Variants in SPAG16 observed in about 807,000 individuals in gnomAD.
SPAG16 encodes sperm-associated antigen 16 protein.
Under a neutral mutation model 80.4 loss-of-function variants are expected in SPAG16, and 86 were observed. The ratio of observed to expected loss-of-function variants is 1.07; its 90% CI spans 0.90 to 1.28. The LOEUF (loss-of-function observed/expected upper bound fraction) is 1.28, where lower values mean the gene tolerates loss of function less well. SPAG16 is among the 50% of genes most tolerant of loss of function. The pLI is 0.00. For missense variants in SPAG16, 870 were observed against 765.3 expected, an observed-to-expected ratio of 1.14 and a Z score of -1.61; for synonymous variants, 294 against 265.9, an observed-to-expected ratio of 1.11 and a Z score of -1.03.
At chr2:213,491,028 A>G (rs2074213891) in intron 10 of SPAG16, among the ~76,000 whole-genome samples, 1 of 151,962 alleles carries the variant, frequency 6.6e-6, no homozygotes, top group South Asian at 2.1e-4. Context: ...CCTAAACCCC[A>G]TTTGTTTGAT....
intron 13 of SPAG16, among the ~76,000 whole-genome samples, chr2:214,065,320 T>C (rs2050481247): frequency 1.3e-5 from 2 of 152,146 alleles, no homozygotes; most frequent in African/African-American, 4.8e-5. Context: ...CTCAAATCGA[T>C]TATAAATCCA....
chr2:214,052,353 T>A (rs2049694619), intron 13 of SPAG16, among the ~76,000 whole-genome samples: 2 of 152,224 alleles, frequency 1.3e-5, no homozygotes, highest in East Asian at 1.9e-4. Flanking sequence ...TTGACCTTTG[T>A]TCACAGTTAC....
intron 9 of SPAG16, among the ~76,000 whole-genome samples, chr2:213,461,471 G>A (rs1273198843): frequency 6.6e-6 from 1 of 152,158 alleles, no homozygotes; most frequent in Non-Finnish European, 1.5e-5. Context: ...TTTTAGTAAT[G>A]TTATTTTGTC....
intron 14 of SPAG16, among the ~76,000 whole-genome samples, chr2:214,141,460 C>T (rs1375834415): frequency 1.6e-5 from 2 of 127,100 alleles, no homozygotes; most frequent in South Asian, 2.7e-4. Context: ...GAGTGAGACT[C>T]GGCCTCAAAA....
chr2:213,588,808 C>CAAAAAAAAAAAAA lies in SPAG16; in HGVS notation c.1070+98741_1070+98753dup, dbSNP rs59813410. ...TGGGCGACAGAGCGAGACTCCGTCT[C>CAAAAAAAAAAAAA]AAAAAAAAAAAAAAAAAAAAAAAAA... On this transcript the variant is annotated intron_variant, in intron 10 of 15. Coordinates refer to ENST00000331683, the MANE Select transcript of SPAG16 (RefSeq NM_024532.5). 2.1e-4 allele frequency among the ~76,000 whole-genome samples: 6 copies of CAAAAAAAAAAAAA among 28,958 alleles called. 1 individual carries two copies. Among genetic ancestry groups the CAAAAAAAAAAAAA allele is most frequent in the East Asian group, 1.9e-3 (1 of 538 alleles). The allele number at this position is 28,958 out of a possible 152,430, so 19.0% of individuals were successfully genotyped here. A position where few individuals can be genotyped will look rare whatever the true frequency, so the allele number is the denominator to read the frequency against.
intron 15 of SPAG16, among the ~76,000 whole-genome samples, chr2:214,303,548 A>G (rs1379385284): frequency 6.6e-6 from 1 of 152,162 alleles, no homozygotes; most frequent in Non-Finnish European, 1.5e-5. Flanking sequence ...AGCTGCTTTT[A>G]AGATTTTTTC....
intron 9 of SPAG16, among the ~76,000 whole-genome samples, chr2:213,392,960 T>A (rs2067840149): frequency 6.6e-6 from 1 of 152,170 alleles, no homozygotes; most frequent in Non-Finnish European, 1.5e-5. Flanking sequence ...CCATGTTAAA[T>A]AGATAAGAAT....
intron 11 of SPAG16, among the ~76,000 whole-genome samples, chr2:213,875,702 C>G (rs2076117018): frequency 6.6e-6 from 1 of 152,068 alleles, no homozygotes; most frequent in African/African-American, 2.4e-5. Flanking sequence ...AATACAGATG[C>G]CAGACTAAAA....
intron 15 of SPAG16, among the ~76,000 whole-genome samples, chr2:214,167,551 C>T (rs890088609): frequency 3.9e-5 from 6 of 152,084 alleles, no homozygotes; most frequent in Non-Finnish European, 8.8e-5. Context: ...GGAAAGGATA[C>T]TTTACTGATG....
At chr2:214,335,755 C>CTTTTTTT (rs71037369) in intron 15 of SPAG16, among the ~76,000 whole-genome samples, 10 of 90,566 alleles carry the variant, frequency 1.1e-4, no homozygotes, top group African/African-American at 3.3e-4. Context: ...TATTAGGATT[C>CTTTTTTT]TTTTTTTTTT....
At chr2:214,153,672 G>A (rs1207621545) in intron 15 of SPAG16, among the ~76,000 whole-genome samples, 1 of 152,010 alleles carries the variant, frequency 6.6e-6, no homozygotes, top group Non-Finnish European at 1.5e-5. Flanking sequence ...TCTAGGGAAA[G>A]CATAAGTATT....
intron 10 of SPAG16, among the ~76,000 whole-genome samples, chr2:213,643,767 CTTTTTTTTTT>C (rs71063764): frequency 1.9e-5 from 1 of 52,028 alleles, no homozygotes. Flanking sequence ...CTCACTACTT[CTTTTTTTTTT>C]TTTTTTTTTT....
At chr2:213,910,121 G>T (rs2077600432) in intron 11 of SPAG16, among the ~76,000 whole-genome samples, 1 of 152,162 alleles carries the variant, frequency 6.6e-6, no homozygotes, top group African/African-American at 2.4e-5. Context: ...TCTGCTGCAT[G>T]AAATTAATAC....
In SPAG16 at chr2:214,365,982, T is replaced by TC. The variant is rs1304778855; in HGVS notation, c.1721-44158_1721-44157insC. ...TCAGAACGATTCTATTTGCCAGGTT[T>TC]TTTTTTTTTTTTTGAGACAGGAGTC... On this transcript the variant is annotated intron_variant, in intron 15 of 15. Coordinates refer to ENST00000331683, the MANE Select transcript of SPAG16 (RefSeq NM_024532.5). 2.6e-5 allele frequency among the ~76,000 whole-genome samples: 4 copies of TC among 151,224 alleles called. No homozygotes were observed. The East Asian group carries it at 7.7e-4, about 29-fold the overall frequency.
At chr2:213,854,927 A>T (rs2075080416) in intron 10 of SPAG16, among the ~76,000 whole-genome samples, 1 of 152,250 alleles carries the variant, frequency 6.6e-6, no homozygotes, top group African/African-American at 2.4e-5. Context: ...TCATTCGTTT[A>T]TGTTTTGTCT....
chr2:213,347,390 T>G (rs1200538943), intron 6 of SPAG16, among the ~76,000 whole-genome samples: 1 of 152,206 alleles, frequency 6.6e-6, no homozygotes, highest in Non-Finnish European at 1.5e-5. Context: ...TTTCCTTCAG[T>G]TCTGCTCTGA....
rs1420857086 is a variant in SPAG16, at chr2:213,378,706, G to GT, written c.942+3589dup. Reference sequence around the variant, plus strand: ...TGTAGCTGGTATTGATTACTACCTTGTTCTATCTATTCTGTAGTCCCTTTG... The same window carrying GT: ...TGTAGCTGGTATTGATTACTACCTTGTTTCTATCTATTCTGTAGTCCCTTTG... On this transcript the variant is annotated intron_variant, in intron 9 of 15. Transcript: ENST00000331683. Among the ~76,000 whole-genome samples the GT allele has an allele frequency of 2.6e-5, 4 of 152,308 alleles. No homozygotes were observed. In the East Asian group the frequency reaches 7.7e-4, roughly 29 times the overall value.
At chr2:214,307,948 T>C (rs1695032778) in intron 15 of SPAG16, among the ~76,000 whole-genome samples, 1 of 152,180 alleles carries the variant, frequency 6.6e-6, no homozygotes, top group South Asian at 2.1e-4. Context: ...TCTTTGTTAA[T>C]TTTCTGTCTC....
intron 10 of SPAG16, among the ~76,000 whole-genome samples, chr2:213,492,318 C>G (rs2074275352): frequency 6.6e-6 from 1 of 152,126 alleles, no homozygotes; most frequent in East Asian, 1.9e-4. Context: ...CTTTGGGAGG[C>G]TGAGGTGGGC....
Sources: gnomAD v4.1 joint callset for allele counts (sites outside exome capture counted in the v4.1 genomes callset) on GRCh38, gnomAD v4.1.1 for gene constraint, MANE v1.5 for transcripts, NCBI Gene and HGNC (gene_info 2026-07-23, HGNC 2026-07-21) for gene names.